BCAR1: variants seen among roughly 807,000 people sequenced by gnomAD.
BCAR1 encodes the protein breast cancer anti-estrogen resistance protein 1.
BCAR1 carries 30 observed loss-of-function variants against 67.6 expected under a neutral mutation model. That is an observed-to-expected ratio of 0.44 (90% CI 0.33 to 0.60). BCAR1 has a LOEUF of 0.60. Among genes scored for constraint, BCAR1 ranks in the 20% least tolerant of loss-of-function variants. The probability of loss-of-function intolerance (pLI) is 0.02; values close to 1 mark genes in which losing one functional copy is unlikely to be tolerated. For missense variants in BCAR1, 1,313 were observed against 1,222.3 expected (o/e 1.07, Z -1.11); for synonymous variants, 626 against 556.7 (o/e 1.12, Z -1.75).
At chr16:75,264,475 GA>G (rs777566274) in intron 1 of BCAR1, 2 of 1,472,032 alleles carry the variant, frequency 1.4e-6, no homozygotes, top group Admixed American at 2.5e-5. Flanking sequence ...GAGCAGAACA[GA>G]AGAGAGGAAG....
At chr16:75,240,642 C>A (rs2077307997) in intron 2 of BCAR1, among the ~76,000 whole-genome samples, 4 of 152,246 alleles carry the variant, frequency 2.6e-5, no homozygotes, top group Admixed American at 2.0e-4. Context: ...ATACATTATG[C>A]ATTTTCTACA....
upstream of BCAR1, among the ~76,000 whole-genome samples, chr16:75,253,850 G>A (rs2077726959): frequency 6.6e-6 from 1 of 152,234 alleles, no homozygotes; most frequent in Non-Finnish European, 1.5e-5. Flanking sequence ...GTCAAGGACA[G>A]GGATGCAGCC....
intron 1 of BCAR1, among the ~76,000 whole-genome samples, chr16:75,259,071 A>G (rs2077840846): frequency 6.6e-6 from 1 of 152,218 alleles, no homozygotes; most frequent in African/African-American, 2.4e-5. Context: ...GCCCTGGCGA[A>G]ACACAGATGA....
rs1352478505 is a variant in BCAR1, at chr16:75,235,927, C to T, written c.972G>A (p.Glu324=). Residue 324 remains glutamate, a synonymous_variant, in exon 5 of 7, where the codon GAG becomes GAA. Coordinates refer to ENST00000162330, the MANE Select transcript of BCAR1 (RefSeq NM_014567.5). ...KDVPDGPLLR[E]ETYDVPPAFA... Reference sequence around the variant, plus strand: ...AGGCGGGGGGCACATCGTAGGTCTCCTCACGCAGCAGTGGGCCATCGGGCA... The same window carrying T: ...AGGCGGGGGGCACATCGTAGGTCTCTTCACGCAGCAGTGGGCCATCGGGCA... 2 of 1,570,702 alleles carry T rather than the reference C, an allele frequency of 1.3e-6. No individual in the cohort carries two copies. Among genetic ancestry groups the T allele is most frequent in the East Asian group, 2.3e-5 (1 of 42,850 alleles).
chr16:75,238,889 C>T, intron 2 of BCAR1: 8 of 985,392 alleles, frequency 8.1e-6, no homozygotes, highest in Non-Finnish European at 8.4e-6. Context: ...CCCAGCCTCC[C>T]AAAGGCAGGT....
intron 2 of BCAR1, chr16:75,238,221 C>A (rs1010495148): frequency 1.7e-6 from 2 of 1,184,506 alleles, no homozygotes; most frequent in African/African-American, 3.2e-5. Context: ...TGCCAGGCAG[C>A]CTCCTTCCCT....
chr16:75,247,777 G>A (rs1244890324), intron 1 of BCAR1: 5 of 482,832 alleles, frequency 1.0e-5, no homozygotes, highest in Non-Finnish European at 1.9e-5. Context: ...GCCAGGCCTG[G>A]CTCATATCTG....
chr16:75,255,313 G>T (rs1347897956), upstream of BCAR1, among the ~76,000 whole-genome samples: 1 of 152,148 alleles, frequency 6.6e-6, no homozygotes, highest in East Asian at 1.9e-4. Flanking sequence ...AGCAGGAGAG[G>T]ATTTCCTGAG....
rs761146448 is a variant in BCAR1 at position 75,229,605 on chromosome 16, G to A, written c.2519C>T (p.Pro840Leu). 3 of 1,612,154 alleles carry A rather than the reference G, an allele frequency of 1.9e-6. No individual in the cohort carries two copies. Among genetic ancestry groups the A allele is most frequent in the South Asian group, 2.2e-5 (2 of 90,938 alleles). The change falls in exon 7 of 7, where the codon CCT (proline) becomes CTT (leucine). Residue 840 changes from proline (P) to leucine (L), a missense_variant. By Grantham distance (98) the Pro-to-Leu change is moderately conservative. This residue lies in a region of BCAR1 where 1,272 missense variants were observed against 1,137.5 expected (regional missense o/e 1.12). Transcript: ENST00000162330. ...CTCCACCATGTCCTGGGCCGCGGAA[G>A]GCGATGGGTACTGCAAGGCAGCGGC... ...TKAAALQYPSPSAAQDMVERV... is the reference protein window; with the variant it reads ...TKAAALQYPSLSAAQDMVERV...
chr16:75,232,293 TGGGACTACAGGC>T (rs2076927464), intron 6 of BCAR1, among the ~76,000 whole-genome samples: 1 of 152,338 alleles, frequency 6.6e-6, no homozygotes, highest in African/African-American at 2.4e-5. Flanking sequence ...CCCAAGTAGC[TGGGACTACAGGC>T]GTGTGCCACT....
chr16:75,243,178 G>A (rs1597228653), intron 1 of BCAR1, 88 bp from the exon 2 acceptor site: 2 of 1,362,172 alleles, frequency 1.5e-6, no homozygotes, highest in South Asian at 1.4e-5. Flanking sequence ...CTGGGGAGGT[G>A]CCCAGCTTTG....
intron 2 of BCAR1, 127 bp downstream of exon 2, chr16:75,242,343 C>G: frequency 3.9e-6 from 5 of 1,293,672 alleles, no homozygotes; most frequent in Non-Finnish European, 4.9e-6. Context: ...CCCACTTTGA[C>G]CCCAGACCAA....
At chr16:75,263,703 G>A (rs1024903540) in intron 1 of BCAR1, 11 of 985,316 alleles carry the variant, frequency 1.1e-5, no homozygotes, top group African/African-American at 1.7e-5. Context: ...TGCCTGCTGC[G>A]TCAGCCCATC....
chr16:75,233,544 G>A (rs957198620), intron 6 of BCAR1, among the ~76,000 whole-genome samples: 30 of 152,252 alleles, frequency 2.0e-4, no homozygotes, highest in Non-Finnish European at 7.3e-5. Context: ...CTTGGAGGAA[G>A]GAGCAGGGCA....
intron 2 of BCAR1, among the ~76,000 whole-genome samples, chr16:75,241,981 T>C (rs2077356868): frequency 6.6e-6 from 1 of 152,110 alleles, no homozygotes; most frequent in Admixed American, 6.5e-5. Flanking sequence ...CAGATCACCA[T>C]ACGCACCCGC....
intron 1 of BCAR1, among the ~76,000 whole-genome samples, chr16:75,267,761 G>C (rs557575316): frequency 6.6e-6 from 1 of 152,298 alleles, no homozygotes; most frequent in South Asian, 2.1e-4. Flanking sequence ...CTGGGCACAG[G>C]GAAAGGAGAG....
chr16:75,251,733 G>T, upstream of BCAR1: 1 of 971,726 alleles, frequency 1.0e-6, no homozygotes, highest in Non-Finnish European at 1.2e-6. Context: ...TAAGCCGCCT[G>T]TCGGGGGCGC....
intron 2 of BCAR1, 191 bp from the exon 3 acceptor site, chr16:75,237,535 G>C (rs1002189239): frequency 3.1e-6 from 2 of 636,708 alleles, no homozygotes; most frequent in Admixed American, 7.7e-5. Flanking sequence ...CGCAGTGCCA[G>C]GTACGGCAAG....
At chr16:75,257,955 G>C (rs2077820127) in intron 1 of BCAR1, among the ~76,000 whole-genome samples, 1 of 152,224 alleles carries the variant, frequency 6.6e-6, no homozygotes, top group African/African-American at 2.4e-5. Flanking sequence ...GCCAGTCACT[G>C]TACTGCTCAG....
Sources: allele counts gnomAD v4.1 joint callset (sites outside exome capture counted in the v4.1 genomes callset), GRCh38; gene constraint gnomAD v4.1.1; regional missense constraint gnomAD v4.1.1; transcripts MANE v1.5; gene names NCBI Gene and HGNC (gene_info 2026-07-23, HGNC 2026-07-21).